The following SPAST variants were observed in gnomAD, a reference collection of about 807,000 sequenced individuals.
The protein encoded by SPAST is spastin, also known as spastic paraplegia 4 (autosomal dominant; spastin).
Under a neutral mutation model 76.6 loss-of-function variants are expected in SPAST, and 30 were observed. The observed-to-expected ratio is 0.39, with a 90% CI of 0.29 to 0.53. The LOEUF (loss-of-function observed/expected upper bound fraction) is 0.53. Among genes scored for constraint, SPAST ranks in the 20% least tolerant of loss-of-function variants. The pLI is 0.68. For missense variants in SPAST, 717 were observed against 770.5 expected (o/e 0.93, Z 0.82); for synonymous variants, 305 against 281.0 (o/e 1.09, Z -0.86).
At chr2:32,079,436 A>G (rs1677108860) in intron 1 of SPAST, among the ~76,000 whole-genome samples, 1 of 151,778 alleles carries the variant, frequency 6.6e-6, no homozygotes, top group African/African-American at 2.4e-5. Flanking sequence ...GCTTAAGCCT[A>G]GGAGGCGGAG....
chr2:32,110,561 T>TC (rs1678525736), intron 4 of SPAST, among the ~76,000 whole-genome samples: 2 of 81,648 alleles, frequency 2.4e-5, no homozygotes, highest in African/African-American at 4.9e-5. Context: ...CTATATAGTG[T>TC]GTATATATAG....
intron 3 of SPAST, among the ~76,000 whole-genome samples, chr2:32,096,492 AT>A (rs2148715713): frequency 6.6e-6 from 1 of 152,236 alleles, no homozygotes; most frequent in South Asian, 2.1e-4. Context: ...GTTATACTGT[AT>A]GTGTCTATGA....
chr2:32,138,901 A>G (rs1295989980), intron 12 of SPAST, among the ~76,000 whole-genome samples: 1 of 152,134 alleles, frequency 6.6e-6, no homozygotes, highest in East Asian at 1.9e-4. Flanking sequence ...TCCCCATGCC[A>G]TTTATTGAAT....
chr2:32,121,329 T>C (rs1558327726), intron 7 of SPAST, among the ~76,000 whole-genome samples: 2 of 151,694 alleles, frequency 1.3e-5, no homozygotes, highest in African/African-American at 4.8e-5. Flanking sequence ...ATTTTTGTAT[T>C]TTTAGTAGAG....
At chr2:32,104,888 T>C (rs961880924) in intron 4 of SPAST, among the ~76,000 whole-genome samples, 8 of 152,208 alleles carry the variant, frequency 5.3e-5, no homozygotes, top group African/African-American at 1.9e-4. Flanking sequence ...CTTAACATTT[T>C]TTCCTACATT....
chr2:32,128,393 T>A lies in SPAST; in HGVS notation c.1174-15T>A. On this transcript the variant is annotated splice_polypyrimidine_tract_variant and intron_variant, in intron 8 of 16. Transcript: ENST00000315285. ...TATTGAACTAATTTAATATTTGCTC[T>A]TGTGATTTTTAAAGGCTAAAGCAGT... The A allele has an allele frequency of 2.5e-6, 4 of 1,572,050 alleles. No individual in the cohort carries two copies.
chr2:32,094,821 T>A (rs116716442), intron 3 of SPAST, among the ~76,000 whole-genome samples: 2,979 of 152,142 alleles, frequency 0.02, 37 homozygotes, highest in South Asian at 0.03. Context: ...AATAGAAAAA[T>A]TAGCTGCGTG....
chr2:32,122,673 C>G lies in SPAST; in HGVS notation c.1099-4275C>G, dbSNP rs562860356. 5.9e-5 allele frequency among the ~76,000 whole-genome samples: 9 copies of G among 151,918 alleles called. 1 individual carries two copies. The East Asian group carries it at 1.8e-3, about 30-fold the overall frequency. The stretch of plus-strand genomic sequence containing the variant: ...AACAGTTGAGGGATAGGCATGGTGG[C>G]TCCCACCTATAATCCCAGCACTTTC... On this transcript the variant is annotated intron_variant, in intron 7 of 16. Coordinates refer to ENST00000315285, the MANE Select transcript of SPAST (RefSeq NM_014946.4).
chr2:32,135,031 G>A (rs1024418128), intron 9 of SPAST, among the ~76,000 whole-genome samples: 1 of 151,862 alleles, frequency 6.6e-6, no homozygotes, highest in Non-Finnish European at 1.5e-5. Flanking sequence ...CTGACCTTAA[G>A]AAAGTATAAC....
chr2:32,106,618 C>T (rs1485496424), intron 4 of SPAST, among the ~76,000 whole-genome samples: 1 of 152,148 alleles, frequency 6.6e-6, no homozygotes, highest in Non-Finnish European at 1.5e-5. Context: ...TAATACAAAA[C>T]TTCTAAGGTT....
chr2:32,149,015 A>G (rs1180760218), intron 16 of SPAST, among the ~76,000 whole-genome samples: 3 of 152,052 alleles, frequency 2.0e-5, no homozygotes, highest in African/African-American at 4.8e-5. Context: ...GGTTTATACA[A>G]TAAAAATAAC....
chr2:32,064,941 T>G (rs1676449110), intron 1 of SPAST, among the ~76,000 whole-genome samples: 1 of 152,180 alleles, frequency 6.6e-6, no homozygotes, highest in Non-Finnish European at 1.5e-5. Context: ...AACATACCAC[T>G]TTACAGTAAA....
At chr2:32,153,876 G>T (rs1467048588) in intron 16 of SPAST, among the ~76,000 whole-genome samples, 1 of 151,892 alleles carries the variant, frequency 6.6e-6, no homozygotes, top group Non-Finnish European at 1.5e-5. Context: ...TAGGAGTTCA[G>T]GACCAACCTG....
At chr2:32,110,108 TTTTTTTTTG>T in intron 4 of SPAST, among the ~76,000 whole-genome samples, 1 of 82,940 alleles carries the variant, frequency 1.2e-5, no homozygotes, top group African/African-American at 3.8e-5. Flanking sequence ...TTTTTTGTTT[TTTTTTTTTG>T]TTTTTTTTGT....
chr2:32,154,712 G>T lies in SPAST; in HGVS notation c.*216G>T. 1.8e-6 allele frequency: 1 copy of T among 543,852 alleles called. No homozygotes were observed. Among genetic ancestry groups the T allele is most frequent in the South Asian group, 2.0e-5 (1 of 48,918 alleles). 33.7% of individuals were successfully genotyped at this position (543,852 alleles called of 1,614,324 possible). ...TTGTTGTTTAAGGCCTTGCCTTGAT[G>T]GTCACAGTTATCCCAATGGACACTA... is the stretch of plus-strand genomic sequence containing the variant. On this transcript the variant is annotated 3_prime_UTR_variant, in exon 17 of 17. Transcript: ENST00000315285.
At chr2:32,151,678 G>A (rs1680089970) in intron 16 of SPAST, among the ~76,000 whole-genome samples, 2 of 152,174 alleles carry the variant, frequency 1.3e-5, no homozygotes, top group South Asian at 4.1e-4. Context: ...GGGAGGCCGA[G>A]GCAGTTGGAT....
intron 1 of SPAST, among the ~76,000 whole-genome samples, chr2:32,069,265 A>G (rs1676651792): frequency 6.6e-6 from 1 of 151,236 alleles, no homozygotes; most frequent in Admixed American, 6.6e-5. Flanking sequence ...GTTCTTATCT[A>G]TCTTAAATTT....
At chr2:32,065,222 G>A (rs1307647324) in intron 1 of SPAST, among the ~76,000 whole-genome samples, 1 of 151,986 alleles carries the variant, frequency 6.6e-6, no homozygotes, top group Non-Finnish European at 1.5e-5. Context: ...ATTTCACCAT[G>A]TTGGCCAGGA....
rs1317669217 is a variant in SPAST at position 32,156,595 on chromosome 2, A to G, written c.*2099A>G. 6.6e-6 allele frequency: 1 copy of G among 152,216 alleles called. No individual in the cohort carries two copies. The highest frequency in any genetic ancestry group is 1.5e-5 in the Non-Finnish European group (1 of 68,034). 9.4% of individuals were successfully genotyped at this position (152,216 alleles called of 1,614,324 possible). A position where few individuals can be genotyped will look rare whatever the true frequency, so the allele number is the denominator to read the frequency against. On this transcript the variant is annotated 3_prime_UTR_variant, in exon 17 of 17. Transcript: ENST00000315285. ...TAATGAAATATATATGATGAAAAGA[A>G]TTGAGAAGTTCTAAATTAAGACATT...
Sources: allele counts gnomAD v4.1 joint callset (sites outside exome capture counted in the v4.1 genomes callset), GRCh38; gene constraint gnomAD v4.1.1; transcripts MANE v1.5; gene names NCBI Gene and HGNC (gene_info 2026-07-23, HGNC 2026-07-21).